TRIM7: variants seen among roughly 807,000 people sequenced by gnomAD.
TRIM7 encodes the protein tripartite motif containing 7, also known as E3 ubiquitin-protein ligase TRIM7.
TRIM7 carries 32 observed loss-of-function variants against 37.9 expected under a neutral mutation model. That is an observed-to-expected ratio of 0.84 (90% confidence interval 0.64 to 1.13). TRIM7 has a LOEUF of 1.13. Ranked by LOEUF, TRIM7 falls within the 50% of genes most tolerant of loss-of-function variation. The probability of loss-of-function intolerance (pLI) is 0.00; values close to 1 mark genes in which losing one functional copy is unlikely to be tolerated. For missense variants in TRIM7, 732 were observed against 714.0 expected (o/e 1.03, Z -0.29); for synonymous variants, 351 against 321.3 (o/e 1.09, Z -0.99).
chr5:181,204,597 C>A lies in TRIM7; in HGVS notation c.514G>T (p.Glu172Ter). ...AVLPLDEAVQ[E>*]AKELLESRLR... is the part of the protein sequence containing the mutation. The stretch of plus-strand genomic sequence containing the variant: ...GTGGGGGCTGCGCTCACCTTGGCCT[C>A]CTGCACCGCCTCGTCCAGCGGCAGC... The change falls in exon 1 of 7, where the codon GAG becomes TAG. Residue 172 changes from glutamate to a stop codon, truncating the protein, a stop_gained. Transcript: ENST00000274773. LOFTEE classifies it high-confidence loss of function. 1.4e-6 allele frequency: 2 copies of A among 1,438,586 alleles called. No individual in the cohort carries two copies. Among genetic ancestry groups the A allele is most frequent in the Non-Finnish European group, 1.8e-6 (2 of 1,105,910 alleles). 89.1% of individuals were successfully genotyped at this position (1,438,586 alleles called of 1,614,324 possible).
At position 181,204,693 on chromosome 5, in the gene TRIM7, A is replaced by T; in HGVS notation, c.418T>A (p.Tyr140Asn). The stretch of plus-strand genomic sequence containing the variant: ...ATGGCGCGTCCGTCGTCCTGGCAGT[A>T]GAGCTTGAAGGGTTCGCCATGCTGC... ...CGQHGEPFKL[Y>N]CQDDGRAICV... The change falls in exon 1 of 7, where the codon TAC (tyrosine) becomes AAC (asparagine). Residue 140 changes from tyrosine to asparagine, a missense_variant. Tyr to Asn is a moderately radical substitution (Grantham distance 143). Transcript: ENST00000274773. 6.6e-7 allele frequency: 1 copy of T among 1,504,350 alleles called. No homozygotes were observed. Among genetic ancestry groups the T allele is most frequent in the Non-Finnish European group, 8.8e-7 (1 of 1,137,116 alleles). 93.2% of individuals were successfully genotyped at this position (1,504,350 alleles called of 1,614,324 possible).
chr5:181,200,047 G>A lies in TRIM7; in HGVS notation c.653C>T (p.Ala218Val). 1.2e-6 allele frequency: 2 copies of A among 1,614,224 alleles called. No homozygotes were observed. The highest frequency in any genetic ancestry group is 1.7e-6 in the Non-Finnish European group (2 of 1,180,044). Residue 218 changes from alanine (A) to valine (V), a missense_variant, in exon 3 of 7, where the codon GCA (alanine) becomes GTA (valine). By Grantham distance (64) the Ala-to-Val change is moderately conservative. Coordinates refer to ENST00000274773, the MANE Select transcript of TRIM7 (RefSeq NM_203293.3). The part of the protein sequence containing the change: ...QMAAEQEKVG[A>V]EFQALRAFLV... ...GAAAGCCCTCAGTGCCTGGAACTCT[G>A]CCCCCACCTTCTCCTGCTCCGCTGC...
Position 181,204,879 on chromosome 5 carries a change from A to AGG in TRIM7, c.230_231dup (p.Cys78ProfsTer105). 4 of 1,352,092 alleles carry AGG rather than the reference A, an allele frequency of 3.0e-6. No homozygotes were observed. Among genetic ancestry groups the AGG allele is most frequent in the Non-Finnish European group, 3.8e-6 (4 of 1,061,558 alleles). The allele number at this position is 1,352,092 out of a possible 1,614,324, so 83.8% of individuals were successfully genotyped here. ...CGCGCGGGCTCGCGGCACTGCGGAC[A>AGG]GGGCAGTGGGAAGGGGGGCGCGCGG... On this transcript the variant is annotated frameshift_variant, in exon 1 of 7. Transcript: ENST00000274773. LOFTEE classifies it high-confidence loss of function.
rs1386487535 is a variant in TRIM7 at position 181,204,814 on chromosome 5, C to T, written c.297G>A (p.Val99=). The part of the protein sequence containing the change: ...QLRPNRQLAA[V]ATLLRRFSLP... ...GGCTGAAGCGCCGCAGGAGCGTGGC[C>T]ACTGCCGCCAGCTGCCGGTTGGGCC... The change falls in exon 1 of 7, where the codon GTG becomes GTA. Residue 99 remains valine, a synonymous_variant. Transcript: ENST00000274773. The T allele has an allele frequency of 2.2e-6, 3 of 1,394,306 alleles. No individual in the cohort carries two copies. In the East Asian group the frequency reaches 9.3e-5, roughly 43 times the overall value. The allele number at this position is 1,394,306 out of a possible 1,614,324, so 86.4% of individuals were successfully genotyped here.
chr5:181,204,509 C>T (rs1757700456), intron 1 of TRIM7, 80 bp downstream of exon 1: 3 of 1,290,136 alleles, frequency 2.3e-6, no homozygotes, highest in Non-Finnish European at 9.9e-7. Context: ...ACAGGCTGTT[C>T]TCTGCACCCC....
intron 4 of TRIM7, 111 bp from the exon 5 acceptor site, chr5:181,198,916 C>T: frequency 8.5e-7 from 1 of 1,176,274 alleles, no homozygotes; most frequent in Non-Finnish European, 1.2e-6. Flanking sequence ...AAAGGGAGAG[C>T]CAGACCTCAT....
intron 2 of TRIM7, 177 bp downstream of exon 2, chr5:181,203,368 G>C: frequency 7.0e-7 from 1 of 1,433,634 alleles, no homozygotes; most frequent in Admixed American, 2.8e-5. Flanking sequence ...ACTTTAAAAA[G>C]CTCTGGTTTG....
intron 2 of TRIM7, chr5:181,200,445 AC>A: frequency 5.7e-6 from 7 of 1,219,088 alleles, no homozygotes; most frequent in Non-Finnish European, 6.1e-6. Context: ...ATAGGATTAA[AC>A]TGAGATTGCT....
At chr5:181,200,151 C>T (rs1031341541) in intron 2 of TRIM7, 70 bp from the exon 3 acceptor site, 1 of 1,613,190 alleles carries the variant, frequency 6.2e-7, no homozygotes, top group Non-Finnish European at 8.5e-7. Flanking sequence ...TGGCCTGAGT[C>T]ATCCCACAGG....
chr5:181,198,927 G>A, intron 4 of TRIM7, 122 bp from the exon 5 acceptor site: 1 of 1,172,404 alleles, frequency 8.5e-7, no homozygotes, highest in Non-Finnish European at 1.3e-6. Flanking sequence ...CAGACCTCAT[G>A]CAGAAAAACC....
rs1187667316 is a variant in TRIM7, at chr5:181,204,601, C to T, written c.510G>A (p.Val170=). ...EHAVLPLDEA[V]QEAKELLESR... ...GGGCTGCGCTCACCTTGGCCTCCTG[C>T]ACCGCCTCGTCCAGCGGCAGCACGG... The change falls in exon 1 of 7, where the codon GTG becomes GTA. Residue 170 remains valine, a synonymous_variant. Coordinates refer to ENST00000274773, the MANE Select transcript of TRIM7 (RefSeq NM_203293.3). 6.9e-7 allele frequency: 1 copy of T among 1,444,374 alleles called. No individual in the cohort carries two copies. The highest frequency in any genetic ancestry group is 9.0e-7 in the Non-Finnish European group (1 of 1,109,008). The allele number at this position is 1,444,374 out of a possible 1,614,324, so 89.5% of individuals were successfully genotyped here.
At chr5:181,204,059 G>A in intron 1 of TRIM7, 2 of 1,001,048 alleles carry the variant, frequency 2.0e-6, no homozygotes, top group Non-Finnish European at 2.4e-6. Flanking sequence ...CAAAGAAAGG[G>A]CCCCCAGAAT....
Position 181,199,019 on chromosome 5 carries a change from CAG to C in TRIM7, c.872+74_872+75del, listed in dbSNP as rs1757314290. 3 of 1,582,008 alleles carry C rather than the reference CAG, an allele frequency of 1.9e-6. No individual in the cohort carries two copies. The Admixed American group carries it at 5.0e-5, about 26-fold the overall frequency. ...GATCAGGAGGTGAGAGGTCAGGGGA[CAG>C]GGAATAAAGACAAGGCTCAGTGAAA... On this transcript the variant is annotated intron_variant, in intron 4 of 6. Coordinates refer to ENST00000274773, the MANE Select transcript of TRIM7 (RefSeq NM_203293.3).
chr5:181,203,588 T>C lies in TRIM7; in HGVS notation c.575A>G (p.Glu192Gly), dbSNP rs1452629548. 1.2e-6 allele frequency: 2 copies of C among 1,614,016 alleles called. No homozygotes were observed. The highest frequency in any genetic ancestry group is 1.7e-5 in the Admixed American group (1 of 59,992). ...RVLKKELEDC[E>G]VFRSTEKKES... Reference sequence around the variant, plus strand: ...CTTCTTTTCCGTGGACCGGAACACCTCACAGTCCTCCAGTTCCTTCTTCAA... The same window carrying C: ...CTTCTTTTCCGTGGACCGGAACACCCCACAGTCCTCCAGTTCCTTCTTCAA... Residue 192 changes from glutamate to glycine, a missense_variant, in exon 2 of 7, where the codon GAG (glutamate) becomes GGG (glycine). By Grantham distance (98) the Glu-to-Gly change is moderately conservative (BLOSUM62 -2). Transcript: ENST00000274773.
Position 181,204,730 on chromosome 5 carries a change from A to C in TRIM7, c.381T>G (p.Ala127=). The part of the protein sequence containing the change: ...GSQAAAARAA[A]ARCGQHGEPF... Reference sequence around the variant, plus strand: ...GTTCGCCATGCTGCCCGCAGCGGGCAGCCGCTGCCCGGGCCGCGGCCGCCT... The same window carrying C: ...GTTCGCCATGCTGCCCGCAGCGGGCCGCCGCTGCCCGGGCCGCGGCCGCCT... Residue 127 remains alanine (A), a synonymous_variant, in exon 1 of 7, where the codon GCT becomes GCG. Transcript: ENST00000274773. 6.8e-7 allele frequency: 1 copy of C among 1,472,046 alleles called. No homozygotes were observed. The highest frequency in any genetic ancestry group is 8.9e-7 in the Non-Finnish European group (1 of 1,121,376). 91.2% of individuals were successfully genotyped at this position (1,472,046 alleles called of 1,614,324 possible). A position where few individuals can be genotyped will look rare whatever the true frequency, so the allele number is the denominator to read the frequency against.
In TRIM7 at chr5:181,194,982, C is replaced by T. The variant is rs77374714; in HGVS notation, c.*184G>A. The T allele has an allele frequency of 1.5e-6, 1 of 673,356 alleles. No individual in the cohort carries two copies. Among genetic ancestry groups the T allele is most frequent in the African/African-American group, 1.8e-5 (1 of 54,146 alleles). 41.7% of individuals were successfully genotyped at this position (673,356 alleles called of 1,614,324 possible). ...GGAACACCCTCAGGAGTCCAAAGCC[C>T]CTGTTCCCCTGCTCGGTTGGCCACA... On this transcript the variant is annotated 3_prime_UTR_variant, in exon 7 of 7. Coordinates refer to ENST00000274773, the MANE Select transcript of TRIM7 (RefSeq NM_203293.3).
At position 181,195,129 on chromosome 5, in the gene TRIM7, C is replaced by T. The variant is rs760428990; in HGVS notation, c.*37G>A. 5 of 1,553,806 alleles carry T rather than the reference C, an allele frequency of 3.2e-6. No individual in the cohort carries two copies. Among genetic ancestry groups the T allele is most frequent in the East Asian group, 4.5e-5 (2 of 44,224 alleles). The stretch of plus-strand genomic sequence containing the variant: ...CTGGGGAGGCGACATCCCCTCCCAC[C>T]GGCAGCCCAGAGACAGGAGCTCCCC... On this transcript the variant is annotated 3_prime_UTR_variant, in exon 7 of 7. Coordinates refer to ENST00000274773, the MANE Select transcript of TRIM7 (RefSeq NM_203293.3).
chr5:181,195,214 C>T lies in TRIM7; in HGVS notation c.1488G>A (p.Pro496=), dbSNP rs749406465. The change falls in exon 7 of 7, where the codon CCG becomes CCA. Residue 496 remains proline (P), a synonymous_variant. Transcript: ENST00000274773. ...FRVNFQERVF[P]LFSVCSTGTY... is the part of the protein sequence containing the mutation. ...TGCCCGTGGAGCAAACAGAGAAAAG[C>T]GGGAACACGCGCTCCTGGAAGTTGA... 16 of 1,611,918 alleles carry T rather than the reference C, an allele frequency of 9.9e-6. No individual in the cohort carries two copies. The African/African-American group carries it at 1.6e-4, about 16-fold the overall frequency.
At chr5:181,200,986 G>C in intron 2 of TRIM7, 1 of 906,006 alleles carries the variant, frequency 1.1e-6, no homozygotes. Flanking sequence ...CAGCCCAGTG[G>C]GGAGGGTGCA....
Sources: gnomAD v4.1 joint callset for allele counts on GRCh38, gnomAD v4.1.1 for gene constraint, MANE v1.5 for transcripts, NCBI Gene and HGNC (gene_info 2026-07-23, HGNC 2026-07-21) for gene names.